Variants in PRKAR1B observed in about 807,000 individuals in gnomAD.
PRKAR1B encodes protein kinase cAMP-dependent type I regulatory subunit beta, also known as cAMP-dependent protein kinase type I-beta regulatory subunit.
Under a neutral mutation model 46.5 loss-of-function variants are expected in PRKAR1B, and 22 were observed. The ratio of observed to expected loss-of-function variants is 0.47; its 90% CI spans 0.34 to 0.68. The LOEUF is 0.68. Among genes scored for constraint, PRKAR1B ranks in the 30% least tolerant of loss-of-function variants. The probability of loss-of-function intolerance (pLI) is 0.01; values close to 1 mark genes in which losing one functional copy is unlikely to be tolerated. For synonymous variants in PRKAR1B, 259 were observed against 217.7 expected, an observed-to-expected ratio of 1.19 and a Z score of -1.67; for missense variants, 445 against 535.6, an observed-to-expected ratio of 0.83 and a Z score of 1.67.
chr7:640,920 G>A (rs941373113), intron 4 of PRKAR1B, among the ~76,000 whole-genome samples: 9 of 152,044 alleles, frequency 5.9e-5, no homozygotes, highest in Non-Finnish European at 1.0e-4. Flanking sequence ...CGTTGCTGGT[G>A]GAAATGCAAA....
Position 579,248 on chromosome 7 carries a change from C to G in PRKAR1B, c.891+8G>C. On this transcript the variant is annotated splice_region_variant and intron_variant, in intron 9 of 10. Coordinates refer to ENST00000537384, the MANE Select transcript of PRKAR1B (RefSeq NM_001164760.2). ...ACCCAGAGCGCCCACGTGGGAAGCA[C>G]GTCTCACCTCCGTGATGATGTAAAA... is the stretch of plus-strand genomic sequence containing the variant. 1 of 1,614,078 alleles carries G rather than the reference C, an allele frequency of 6.2e-7. No homozygotes were observed. Among genetic ancestry groups the G allele is most frequent in the Non-Finnish European group, 8.5e-7 (1 of 1,180,006 alleles).
Position 714,556 on chromosome 7 carries a change from T to C in PRKAR1B, c.-22-3029A>G, listed in dbSNP as rs2128531743. ...CCCACTGCCTCTCTCTTTCACACTTTTCCCCGCCACTCAGATCCCTGTTCC... is the reference window on the plus strand; with the variant it reads ...CCCACTGCCTCTCTCTTTCACACTTCTCCCCGCCACTCAGATCCCTGTTCC... On this transcript the variant is annotated intron_variant, in intron 1 of 10. Coordinates refer to ENST00000537384, the MANE Select transcript of PRKAR1B (RefSeq NM_001164760.2). This position sits in a 1 kb window ranked among gnomAD's most constrained non-coding sequence, Gnocchi z 4.3. Among the ~76,000 whole-genome samples, 1 of 152,250 alleles carries C rather than the reference T, an allele frequency of 6.6e-6. No individual in the cohort carries two copies. Among genetic ancestry groups the C allele is most frequent in the African/African-American group, 2.4e-5 (1 of 41,552 alleles).
intron 4 of PRKAR1B, among the ~76,000 whole-genome samples, chr7:620,492 G>A (rs571141150): frequency 2.5e-4 from 38 of 152,024 alleles, no homozygotes; most frequent in African/African-American, 8.9e-4. Flanking sequence ...CCAGCCCCTT[G>A]GGCTCTTTTT....
chr7:687,609 T>C (rs1170508165), intron 2 of PRKAR1B, among the ~76,000 whole-genome samples: 1 of 152,160 alleles, frequency 6.6e-6, no homozygotes, highest in Non-Finnish European at 1.5e-5. Flanking sequence ...TGAATTCGAG[T>C]TCCAGATGGA....
intron 4 of PRKAR1B, among the ~76,000 whole-genome samples, chr7:676,219 C>G (rs547022481): frequency 3.0e-4 from 45 of 152,284 alleles, no homozygotes; most frequent in African/African-American, 9.1e-4. Flanking sequence ...TCAATCTTTT[C>G]AAAATTTTCC....
intron 4 of PRKAR1B, among the ~76,000 whole-genome samples, chr7:673,063 A>AAAAC (rs1786362572): frequency 2.2e-5 from 3 of 138,418 alleles, no homozygotes; most frequent in Non-Finnish European, 3.2e-5. Context: ...AAAAAAAAAA[A>AAAAC]AAAAAAAAAA....
At chr7:650,235 G>A (rs1784831529) in intron 4 of PRKAR1B, among the ~76,000 whole-genome samples, 1 of 152,166 alleles carries the variant, frequency 6.6e-6, no homozygotes, top group African/African-American at 2.4e-5. Context: ...AGGACAGGTG[G>A]CCTCAATGGC....
At chr7:599,222 T>C (rs1781452512) in intron 6 of PRKAR1B, among the ~76,000 whole-genome samples, 1 of 151,996 alleles carries the variant, frequency 6.6e-6, no homozygotes, top group Non-Finnish European at 1.5e-5. Context: ...CTGTCACCAC[T>C]CCCGGCGCAG....
intron 9 of PRKAR1B, among the ~76,000 whole-genome samples, chr7:573,203 G>C (rs1037863228): frequency 6.6e-6 from 1 of 152,216 alleles, no homozygotes; most frequent in Non-Finnish European, 1.5e-5. Flanking sequence ...AAAAGATCCA[G>C]GTTGCCAAGG....
chr7:706,973 C>G (rs926935980), intron 2 of PRKAR1B, among the ~76,000 whole-genome samples: 7 of 152,216 alleles, frequency 4.6e-5, no homozygotes, highest in African/African-American at 1.7e-4. Flanking sequence ...AGGGGGTGGC[C>G]CAGACCTCAC....
intron 4 of PRKAR1B, among the ~76,000 whole-genome samples, chr7:613,665 C>G (rs1199680547): frequency 6.6e-6 from 1 of 152,126 alleles, no homozygotes; most frequent in African/African-American, 2.4e-5. Flanking sequence ...AGGTCCAGCT[C>G]CCACTACGAG....
chr7:691,649 G>T (rs1236972861), intron 2 of PRKAR1B: 3 of 1,300,012 alleles, frequency 2.3e-6, no homozygotes, highest in African/African-American at 1.5e-5. Context: ...CTCCGCCCAG[G>T]TCTCCAGGGA....
At position 636,613 on chromosome 7, in the gene PRKAR1B, C is replaced by A. The variant is rs1484329572; in HGVS notation, c.441-29161G>T. 2.0e-5 allele frequency among the ~76,000 whole-genome samples: 3 copies of A among 152,354 alleles called. No individual in the cohort carries two copies. In the East Asian group the frequency reaches 5.8e-4, roughly 29 times the overall value. On this transcript the variant is annotated intron_variant, in intron 4 of 10. Coordinates refer to ENST00000537384, the MANE Select transcript of PRKAR1B (RefSeq NM_001164760.2). ...GCCAATGCTCTGCCTCTCTCAACTG[C>A]TGGAACACAGTGACCCCAGGTGGCC... is the stretch of plus-strand genomic sequence containing the variant.
chr7:720,054 T>C (rs1781019064), intron 1 of PRKAR1B, among the ~76,000 whole-genome samples: 1 of 146,774 alleles, frequency 6.8e-6, no homozygotes, highest in Non-Finnish European at 1.5e-5. Flanking sequence ...GCAAGTCTTT[T>C]TTTTTTTTTT....
chr7:632,847 C>T (rs905487784), intron 4 of PRKAR1B, among the ~76,000 whole-genome samples: 1 of 73,030 alleles, frequency 1.4e-5, no homozygotes, highest in African/African-American at 4.5e-5. Flanking sequence ...GGCTGTGTGC[C>T]CAGCCACAGC....
intron 4 of PRKAR1B, among the ~76,000 whole-genome samples, chr7:653,338 A>G (rs1785014556): frequency 6.6e-6 from 1 of 152,174 alleles, no homozygotes; most frequent in African/African-American, 2.4e-5. Context: ...ACTTTGCAGC[A>G]GCAGCCTCTT....
chr7:690,860 C>T (rs935393615), intron 2 of PRKAR1B, among the ~76,000 whole-genome samples: 6 of 152,252 alleles, frequency 3.9e-5, no homozygotes, highest in African/African-American at 1.4e-4. Context: ...AGCTCCAAGG[C>T]TGACCGGTCT....
chr7:701,643 C>T (rs1020898865), intron 2 of PRKAR1B, among the ~76,000 whole-genome samples: 4 of 152,126 alleles, frequency 2.6e-5, no homozygotes, highest in Admixed American at 6.5e-5. Flanking sequence ...AGAAAAGAAA[C>T]ATAAAGCAAA....
intron 9 of PRKAR1B, among the ~76,000 whole-genome samples, chr7:577,317 C>T (rs1244815899): frequency 1.3e-5 from 2 of 152,218 alleles, no homozygotes; most frequent in Non-Finnish European, 2.9e-5. Flanking sequence ...AAATGATCCT[C>T]GTCACTGCCC....
Sources: allele counts gnomAD v4.1 joint callset (sites outside exome capture counted in the v4.1 genomes callset), GRCh38; gene constraint gnomAD v4.1.1; non-coding constraint Gnocchi (gnomAD v3.1); transcripts MANE v1.5; gene names NCBI Gene and HGNC (gene_info 2026-07-23, HGNC 2026-07-21).